Variants in LDB3 observed in about 807,000 individuals in gnomAD.
The protein encoded by LDB3 is LIM domain-binding protein 3.
LDB3 carries 49 observed loss-of-function variants against 69.0 expected under a neutral mutation model. That is an observed-to-expected ratio of 0.71 (90% CI 0.56 to 0.90). The LOEUF is 0.90. LDB3 is among the 40% of genes least tolerant of loss of function. LDB3 has a pLI of 0.00. For synonymous variants in LDB3, 387 were observed against 396.2 expected, an observed-to-expected ratio of 0.98 and a Z score of 0.28; for missense variants, 928 against 974.1, an observed-to-expected ratio of 0.95 and a Z score of 0.63.
intron 7 of LDB3, 54 bp downstream of exon 7, chr10:86,692,625 C>A: frequency 1.3e-6 from 2 of 1,527,760 alleles, no homozygotes; most frequent in Non-Finnish European, 9.1e-7. Context: ...CGTCCCTCCC[C>A]GGGCAGCCCC....
rs200325174 is a variant in LDB3, at chr10:86,699,240, TC to T, written c.896+6670del. On this transcript the variant is annotated intron_variant, in intron 7 of 13. Transcript: ENST00000361373. This position sits in a 1 kb window ranked among gnomAD's most constrained non-coding sequence, Gnocchi z 4.9. ...CTCTCTTTCTGTCTCTGTCTCTGTT[TC>T]TCTCTCTCTCTCTCTCTCTCTCTCT... 4.2e-4 allele frequency: 8 copies of T among 19,100 alleles called. No individual in the cohort carries two copies. Among genetic ancestry groups the T allele is most frequent in the South Asian group, 8.3e-4 (1 of 1,206 alleles). The allele number at this position is 19,100 out of a possible 1,614,324, so 1.2% of individuals were successfully genotyped here.
In LDB3 at chr10:86,678,699, T is replaced by C. The variant is rs538869119; in HGVS notation, c.94-668T>C. Among the ~76,000 whole-genome samples, 20 of 152,196 alleles carry C rather than the reference T, an allele frequency of 1.3e-4. No homozygotes were observed. In the South Asian group the frequency reaches 3.9e-3, roughly 30 times the overall value. ...TGTCACCCACGCTGGAGTTCAGTGG[T>C]GAGCGATCATAGTTTATTGTAACCT... On this transcript the variant is annotated intron_variant, in intron 2 of 13. Transcript: ENST00000361373.
chr10:86,686,284 G>T (rs944861208), intron 5 of LDB3, among the ~76,000 whole-genome samples: 1 of 152,202 alleles, frequency 6.6e-6, no homozygotes, highest in African/African-American at 2.4e-5. Flanking sequence ...GCCCCTTCAC[G>T]GAGAAACCTT....
rs1847582217 is a variant in LDB3 at position 86,735,053 on chromosome 10, AC to A, written c.*2078del. The stretch of plus-strand genomic sequence containing the variant: ...TCCAAAATCTCTTTTTAAAGGGTTT[AC>A]ACACACACACACACACACACACACA... On this transcript the variant is annotated 3_prime_UTR_variant, in exon 14 of 14. Coordinates refer to ENST00000361373, the MANE Select transcript of LDB3 (RefSeq NM_007078.3). 5.5e-4 allele frequency: 6 copies of A among 10,950 alleles called. No homozygotes were observed. The Admixed American group carries it at 6.1e-3, about 11-fold the overall frequency. The allele number at this position is 10,950 out of a possible 1,614,324, so 0.7% of individuals were successfully genotyped here.
chr10:86,710,623 G>A lies in LDB3; in HGVS notation c.1231+573G>A, dbSNP rs975794276. Among the ~76,000 whole-genome samples, 29 of 152,344 alleles carry A rather than the reference G, an allele frequency of 1.9e-4. No homozygotes were observed. In the South Asian group the frequency reaches 2.3e-3, roughly 12 times the overall value. On this transcript the variant is annotated intron_variant, in intron 9 of 13. Transcript: ENST00000361373. ...GTGTGCGAGATTTGGCCGCAGCCAT[G>A]GGGGTACAGAACAGCACATAAGGAG...
At chr10:86,687,172 A>C in intron 5 of LDB3, 1 of 1,614,200 alleles carries the variant, frequency 6.2e-7, no homozygotes. Context: ...GGCCACCATC[A>C]TCCATGCGCA....
chr10:86,716,445 C>A lies in LDB3; in HGVS notation c.1350C>A (p.Val450=), dbSNP rs1405997312. Residue 450 remains valine (V), a synonymous_variant, in exon 10 of 14, where the codon GTC becomes GTA. Coordinates refer to ENST00000361373, the MANE Select transcript of LDB3 (RefSeq NM_007078.3). ...SPAPAYTPSP[V]PTYTPSPAPA... The stretch of plus-strand genomic sequence containing the variant: ...CCCCTGCCTACACCCCCTCACCTGT[C>A]CCCACCTACACTCCATCCCCAGCAC... The A allele has an allele frequency of 1.3e-6, 2 of 1,588,280 alleles. No individual in the cohort carries two copies. The highest frequency in any genetic ancestry group is 2.8e-5 in the African/African-American group (2 of 70,824).
chr10:86,721,789 T>G (rs955812653), intron 12 of LDB3, among the ~76,000 whole-genome samples: 3 of 152,248 alleles, frequency 2.0e-5, no homozygotes, highest in African/African-American at 7.2e-5. Context: ...ACCCTCCATG[T>G]GCTTCTGATG....
intron 9 of LDB3, among the ~76,000 whole-genome samples, chr10:86,712,037 C>T (rs557243234): frequency 1.3e-5 from 2 of 152,258 alleles, no homozygotes; most frequent in Non-Finnish European, 2.9e-5. Flanking sequence ...GATGGGATAT[C>T]AGGTCTCTCC....
At chr10:86,713,871 T>A (rs1293161394) in intron 9 of LDB3, among the ~76,000 whole-genome samples, 1 of 152,200 alleles carries the variant, frequency 6.6e-6, no homozygotes, top group African/African-American at 2.4e-5. Context: ...CACCACTGAA[T>A]AGACCTCAGT....
At chr10:86,706,189 G>A (rs1196779298) in intron 7 of LDB3, among the ~76,000 whole-genome samples, 2 of 136,646 alleles carry the variant, frequency 1.5e-5, no homozygotes, top group Non-Finnish European at 1.5e-5. Flanking sequence ...AACCTGGGTG[G>A]ATAATTCCAT....
chr10:86,718,203 A>G lies in LDB3; in HGVS notation c.1857+59A>G. On this transcript the variant is annotated intron_variant, in intron 11 of 13. Coordinates refer to ENST00000361373, the MANE Select transcript of LDB3 (RefSeq NM_007078.3). ...GTCTCTTCCCCAGCCCTTCCCCAAG[A>G]TCGTGGGATCCCATTAGGAAGCCAA... 1.3e-6 allele frequency: 2 copies of G among 1,525,872 alleles called. 1 individual carries two copies. Among genetic ancestry groups the G allele is most frequent in the South Asian group, 2.2e-5 (2 of 89,250 alleles). 94.5% of individuals were successfully genotyped at this position (1,525,872 alleles called of 1,614,324 possible).
In LDB3 at chr10:86,672,772, A is replaced by G. The variant is rs565058382; in HGVS notation, c.93+3988A>G. On this transcript the variant is annotated intron_variant, in intron 2 of 13. Coordinates refer to ENST00000361373, the MANE Select transcript of LDB3 (RefSeq NM_007078.3). ...TGTGAGGGATCCAAAAGGAGAGGAC[A>G]TGAGGCTGGCTGGGTCCTGGGGAAT... 2.7e-4 allele frequency among the ~76,000 whole-genome samples: 41 copies of G among 152,336 alleles called. No homozygotes were observed. The South Asian group carries it at 8.5e-3, about 32-fold the overall frequency.
chr10:86,706,584 T>C lies in LDB3; in HGVS notation c.950T>C (p.Leu317Pro). 1.9e-6 allele frequency: 3 copies of C among 1,613,130 alleles called. No homozygotes were observed. Among genetic ancestry groups the C allele is most frequent in the East Asian group, 2.2e-5 (1 of 44,866 alleles). Reference sequence around the variant, plus strand: ...ACCAGCCAGGCCACCACCCCGCTGCTGCCCGCTTCTGCCCAGCCACCTGCT... The same window carrying C: ...ACCAGCCAGGCCACCACCCCGCTGCCGCCCGCTTCTGCCCAGCCACCTGCT... ...VCTSQATTPLLPASAQPPAAA... is the reference protein window; with the variant it reads ...VCTSQATTPLPPASAQPPAAA... The change falls in exon 8 of 14, where the codon CTG (leucine) becomes CCG (proline). Residue 317 changes from leucine to proline, a missense_variant. Transcript: ENST00000361373.
At chr10:86,718,508 C>A (rs899974991) in intron 11 of LDB3, among the ~76,000 whole-genome samples, 1 of 152,208 alleles carries the variant, frequency 6.6e-6, no homozygotes, top group African/African-American at 2.4e-5. Flanking sequence ...TTAAGCCTCA[C>A]AGTTTATGTA....
At chr10:86,687,927 A>G (rs1325848890) in intron 5 of LDB3, among the ~76,000 whole-genome samples, 1 of 152,198 alleles carries the variant, frequency 6.6e-6, no homozygotes, top group African/African-American at 2.4e-5. Flanking sequence ...GAAAAATGCT[A>G]GCAATGCAAA....
chr10:86,728,934 C>A (rs1847364660), intron 13 of LDB3, among the ~76,000 whole-genome samples: 1 of 143,026 alleles, frequency 7.0e-6, no homozygotes, highest in Non-Finnish European at 1.5e-5. Context: ...CTTTGAGGGA[C>A]TTGAGGGATT....
intron 8 of LDB3, among the ~76,000 whole-genome samples, chr10:86,709,008 C>A (rs561444620): frequency 6.6e-6 from 1 of 152,336 alleles, no homozygotes; most frequent in South Asian, 2.1e-4. Flanking sequence ...CTAGCAATAA[C>A]CCATTTGCCC....
In LDB3 at chr10:86,706,717, A is replaced by C; in HGVS notation, c.1083A>C (p.Pro361=). 1 of 1,610,988 alleles carries C rather than the reference A, an allele frequency of 6.2e-7. No homozygotes were observed. The part of the protein sequence containing the change: ...TAPASSPADS[P]RPQASSYSPA... ...CTGCTTCAAGTCCTGCCGACAGCCCAAGGTAACTGGGCCACAGGTGCTGGG... is the reference window on the plus strand; with the variant it reads ...CTGCTTCAAGTCCTGCCGACAGCCCCAGGTAACTGGGCCACAGGTGCTGGG... The change falls in exon 8 of 14, where the codon CCA becomes CCC. Residue 361 remains proline (P), a splice_region_variant and synonymous_variant. Coordinates refer to ENST00000361373, the MANE Select transcript of LDB3 (RefSeq NM_007078.3).
Sources: gnomAD v4.1 joint callset for allele counts (sites outside exome capture counted in the v4.1 genomes callset) on GRCh38, gnomAD v4.1.1 for gene constraint, Gnocchi (gnomAD v3.1) non-coding constraint, MANE v1.5 for transcripts, NCBI Gene and HGNC (gene_info 2026-07-23, HGNC 2026-07-21) for gene names.